The following CDH12 variants were observed in gnomAD, a reference collection of about 807,000 sequenced individuals.
CDH12 encodes the protein cadherin 12, also known as cadherin-12.
A neutral mutation model predicts 74.1 loss-of-function variants in CDH12; 41 were observed. The observed-to-expected ratio is 0.55, with a 90% CI of 0.43 to 0.72. The LOEUF (loss-of-function observed/expected upper bound fraction) is 0.72, where lower values mean the gene tolerates loss of function less well. Among genes scored for constraint, CDH12 ranks in the 30% least tolerant of loss-of-function variants. The pLI is 0.00. For missense variants in CDH12, 945 were observed against 977.2 expected (o/e 0.97, Z 0.44); for synonymous variants, 399 against 355.0 (o/e 1.12, Z -1.39).
chr5:22,651,846 A>T (rs763117244), intron 1 of CDH12, among the ~76,000 whole-genome samples: 9 of 152,070 alleles, frequency 5.9e-5, no homozygotes, highest in Non-Finnish European at 8.8e-5. Context: ...ATCTTAATAT[A>T]TCTGTTTTTT....
At chr5:21,890,054 ATGAC>A (rs1431502433) in intron 6 of CDH12, among the ~76,000 whole-genome samples, 1 of 152,182 alleles carries the variant, frequency 6.6e-6, no homozygotes, top group Non-Finnish European at 1.5e-5. Flanking sequence ...ACACATTTAA[ATGAC>A]TGACACTTAA....
chr5:22,840,752 G>A (rs1379685691), intron 1 of CDH12, among the ~76,000 whole-genome samples: 3 of 152,092 alleles, frequency 2.0e-5, no homozygotes, highest in African/African-American at 7.2e-5. Context: ...CCAGGATAAG[G>A]AAATTGTATT....
At chr5:22,668,099 CTG>C (rs1740711733) in intron 1 of CDH12, among the ~76,000 whole-genome samples, 1 of 152,154 alleles carries the variant, frequency 6.6e-6, no homozygotes, top group African/African-American at 2.4e-5. Flanking sequence ...ACATTTCCCT[CTG>C]TATTCCTCAT....
intron 3 of CDH12, among the ~76,000 whole-genome samples, chr5:22,353,653 G>A (rs1740445585): frequency 6.6e-6 from 1 of 151,970 alleles, no homozygotes; most frequent in Non-Finnish European, 1.5e-5. Flanking sequence ...TCCTATTATA[G>A]TAAAAAAATA....
chr5:22,395,218 C>T (rs769338805), intron 3 of CDH12, among the ~76,000 whole-genome samples: 13 of 152,092 alleles, frequency 8.5e-5, no homozygotes, highest in Middle Eastern at 3.4e-3. Context: ...GAGGAGAAGA[C>T]GTATGGAAGA....
chr5:21,883,557 G>T, intron 6 of CDH12: 1 of 1,608,414 alleles, frequency 6.2e-7, no homozygotes, highest in East Asian at 2.2e-5. Flanking sequence ...TACTGGTGGT[G>T]CAGTGTTTGG....
intron 1 of CDH12, among the ~76,000 whole-genome samples, 154 bp downstream of exon 1, chr5:22,852,904 A>T (rs371152648): frequency 2.6e-5 from 4 of 152,178 alleles, no homozygotes; most frequent in Non-Finnish European, 5.9e-5. Context: ...ACCACGCACA[A>T]GCTCCTAATT....
At chr5:22,405,659 G>A (rs1004729294) in intron 2 of CDH12, among the ~76,000 whole-genome samples, 1 of 152,162 alleles carries the variant, frequency 6.6e-6, no homozygotes, top group Non-Finnish European at 1.5e-5. Context: ...ATCATTCAAC[G>A]TGACTTAATG....
intron 1 of CDH12, among the ~76,000 whole-genome samples, chr5:22,602,809 A>C (rs975063313): frequency 2.0e-5 from 3 of 152,174 alleles, no homozygotes; most frequent in African/African-American, 7.2e-5. Context: ...GGATTACAAA[A>C]AATAATACCC....
At chr5:22,832,990 A>C (rs1018034071) in intron 1 of CDH12, among the ~76,000 whole-genome samples, 75 of 152,242 alleles carry the variant, frequency 4.9e-4, no homozygotes, top group African/African-American at 1.7e-3. Flanking sequence ...AAAATTCAAA[A>C]TTTTCTCTTA....
intron 1 of CDH12, among the ~76,000 whole-genome samples, chr5:22,742,634 T>A (rs1745084370): frequency 6.6e-6 from 1 of 152,048 alleles, no homozygotes; most frequent in South Asian, 2.1e-4. Flanking sequence ...ATATGCTGCC[T>A]GAATTAATTA....
At chr5:22,051,658 GTCTT>G (rs1441364215) in intron 5 of CDH12, among the ~76,000 whole-genome samples, 2 of 152,056 alleles carry the variant, frequency 1.3e-5, no homozygotes, top group East Asian at 3.9e-4. Flanking sequence ...CAATAAAAGA[GTCTT>G]TCTTTTATCC....
chr5:22,101,575 C>T (rs962695958), intron 4 of CDH12, among the ~76,000 whole-genome samples: 1 of 151,986 alleles, frequency 6.6e-6, no homozygotes, highest in African/African-American at 2.4e-5. Context: ...TTCAAGTCTG[C>T]ACAGAAGTAT....
intron 6 of CDH12, among the ~76,000 whole-genome samples, chr5:21,908,220 A>G (rs1431896122): frequency 6.6e-6 from 1 of 152,202 alleles, no homozygotes. Flanking sequence ...TGCCAGAGCA[A>G]TTGGGAATTT....
chr5:22,289,928 A>G (rs1345248094), intron 3 of CDH12, among the ~76,000 whole-genome samples: 5 of 152,150 alleles, frequency 3.3e-5, no homozygotes, highest in African/African-American at 1.2e-4. Context: ...GGATTCAATC[A>G]TAAGCCCACA....
At chr5:22,841,793 A>G (rs561423029) in intron 1 of CDH12, among the ~76,000 whole-genome samples, 2 of 152,184 alleles carry the variant, frequency 1.3e-5, no homozygotes, top group Non-Finnish European at 1.5e-5. Context: ...TGTAAATTGT[A>G]TACAAAGAGT....
At chr5:22,449,758 C>T (rs1309251919) in intron 2 of CDH12, among the ~76,000 whole-genome samples, 8 of 151,900 alleles carry the variant, frequency 5.3e-5, no homozygotes, top group African/African-American at 1.4e-4. Flanking sequence ...TGGACTTGCT[C>T]TTTTTTATAT....
chr5:22,417,863 A>T (rs1404065716), intron 2 of CDH12, among the ~76,000 whole-genome samples: 1 of 151,898 alleles, frequency 6.6e-6, no homozygotes, highest in Non-Finnish European at 1.5e-5. Flanking sequence ...GGACTCTTAA[A>T]ATCCATACCA....
chr5:22,173,388 TATAAATATTA>T (rs71973210), intron 4 of CDH12, among the ~76,000 whole-genome samples: 39,036 of 145,446 alleles, frequency 0.27, 6,302 homozygotes, highest in South Asian at 0.38. Context: ...TTTTATATAA[TATAAATATTA>T]ATAAATATTA....
Sources: allele counts gnomAD v4.1 joint callset (sites outside exome capture counted in the v4.1 genomes callset), GRCh38; gene constraint gnomAD v4.1.1; transcripts MANE v1.5; gene names NCBI Gene and HGNC (gene_info 2026-07-23, HGNC 2026-07-21).